Variants in FOXN3 observed in about 807,000 individuals in gnomAD.
FOXN3 encodes the protein forkhead box protein N3.
In FOXN3, 7 loss-of-function variants were observed where a neutral mutation model predicts 38.4. The ratio of observed to expected loss-of-function variants is 0.18; its 90% CI spans 0.10 to 0.34. The LOEUF (loss-of-function observed/expected upper bound fraction) is 0.34, where lower values mean the gene tolerates loss of function less well. Ranked by LOEUF, FOXN3 falls within the 10% of genes least tolerant of loss-of-function variation. FOXN3 has a pLI of 1.00. For missense variants in FOXN3, 456 were observed against 613.4 expected (o/e 0.74, Z 2.71); for synonymous variants, 230 against 242.2 (o/e 0.95, Z 0.47).
At chr14:89,403,647 T>C (rs900687080) in intron 2 of FOXN3, among the ~76,000 whole-genome samples, 9 of 152,230 alleles carry the variant, frequency 5.9e-5, no homozygotes, top group South Asian at 2.1e-4. Flanking sequence ...TGGTTGGATA[T>C]ACAGGCAGTA....
At chr14:89,555,468 T>G (rs1895097574) in intron 1 of FOXN3, among the ~76,000 whole-genome samples, 1 of 152,180 alleles carries the variant, frequency 6.6e-6, no homozygotes. Context: ...ACCAATGTCT[T>G]GAGGCTAGTT....
chr14:89,234,705 C>T (rs1884929705), intron 4 of FOXN3, among the ~76,000 whole-genome samples: 1 of 151,478 alleles, frequency 6.6e-6, no homozygotes, highest in Non-Finnish European at 1.5e-5. Flanking sequence ...CTTCACCTTC[C>T]ACCATGAGTA....
intron 3 of FOXN3, among the ~76,000 whole-genome samples, chr14:89,302,000 G>A (rs571427198): frequency 1.1e-4 from 17 of 152,032 alleles, no homozygotes; most frequent in African/African-American, 3.6e-4. Context: ...TCTGCTGTTC[G>A]CAAACTGTCC....
At chr14:89,233,242 C>A (rs760605917) in intron 4 of FOXN3, among the ~76,000 whole-genome samples, 1 of 152,194 alleles carries the variant, frequency 6.6e-6, no homozygotes, top group Non-Finnish European at 1.5e-5. Flanking sequence ...TTAAAGCAAG[C>A]CTGGAAAGCT....
In FOXN3 at chr14:89,412,028, T is replaced by C; in HGVS notation, c.449A>G (p.Tyr150Cys). 6.2e-7 allele frequency: 1 copy of C among 1,612,944 alleles called. No homozygotes were observed. Among genetic ancestry groups the C allele is most frequent in the Non-Finnish European group, 8.5e-7 (1 of 1,179,426 alleles). ...IYNWILEHFP[Y>C]FANAPTGWKN... ...CCACCCAGTAGGTGCATTTGCAAAA[T>C]ACGGAAAATGTTCCAAGATCCAGTT... is the stretch of plus-strand genomic sequence containing the variant. The change falls in exon 2 of 6, where the codon TAT becomes TGT. Residue 150 changes from tyrosine (Y) to cysteine (C), a missense_variant. By Grantham distance (194) the Tyr-to-Cys change is radical (BLOSUM62 -2). Transcript: ENST00000557258. This position sits in a 1 kb window ranked among gnomAD's most constrained non-coding sequence, Gnocchi z 4.7.
chr14:89,206,086 G>C (rs1450703696), intron 4 of FOXN3, among the ~76,000 whole-genome samples: 1 of 152,240 alleles, frequency 6.6e-6, no homozygotes, highest in Non-Finnish European at 1.5e-5. Flanking sequence ...CTGGCACCTT[G>C]ATTTTGGACT....
At chr14:89,189,439 G>A (rs758246891) in intron 4 of FOXN3, among the ~76,000 whole-genome samples, 16 of 152,270 alleles carry the variant, frequency 1.1e-4, no homozygotes, top group African/African-American at 1.7e-4. Context: ...TTGTAGTGGC[G>A]TCTGCTGCTT....
At chr14:89,257,086 A>C (rs1387799027) in intron 4 of FOXN3, among the ~76,000 whole-genome samples, 1 of 152,140 alleles carries the variant, frequency 6.6e-6, no homozygotes, top group Non-Finnish European at 1.5e-5. Context: ...TTAACCACCT[A>C]TCCTGCAGGT....
chr14:89,424,695 G>A (rs1314000853), intron 1 of FOXN3, among the ~76,000 whole-genome samples: 1 of 150,814 alleles, frequency 6.6e-6, no homozygotes, highest in East Asian at 2.0e-4. Flanking sequence ...TGACAACATA[G>A]GGAGATCTAT....
intron 1 of FOXN3, among the ~76,000 whole-genome samples, chr14:89,433,591 T>A (rs1036348464): frequency 2.0e-5 from 3 of 151,894 alleles, no homozygotes; most frequent in Non-Finnish European, 4.4e-5. Context: ...GATCACGAGG[T>A]CAGGAGTTCG....
rs543797367 is a variant in FOXN3, at chr14:89,517,441, C to A, written c.-15+101587G>T. Among the ~76,000 whole-genome samples, 10 of 151,846 alleles carry A rather than the reference C, an allele frequency of 6.6e-5. No individual in the cohort carries two copies. In the South Asian group the frequency reaches 1.7e-3, roughly 25 times the overall value. On this transcript the variant is annotated intron_variant, in intron 1 of 6. Coordinates refer to the FOXN3 transcript ENST00000345097. Reference sequence around the variant, plus strand: ...AGCACGATGGCTTCTGAGAAGGCCTCAGGAAACTTTCAATCATGGCCGAAG... The same window carrying A: ...AGCACGATGGCTTCTGAGAAGGCCTAAGGAAACTTTCAATCATGGCCGAAG...
chr14:89,535,766 C>T (rs930773371), intron 1 of FOXN3, among the ~76,000 whole-genome samples: 2 of 152,206 alleles, frequency 1.3e-5, no homozygotes, highest in Admixed American at 1.3e-4. Context: ...TCTAATCCAT[C>T]TCATTATATT....
intron 1 of FOXN3, among the ~76,000 whole-genome samples, chr14:89,568,830 A>C (rs1895422691): frequency 6.6e-6 from 1 of 152,204 alleles, no homozygotes; most frequent in Non-Finnish European, 1.5e-5. Flanking sequence ...GAAGCTCCTA[A>C]ATGTATTTAC....
At chr14:89,572,252 T>G (rs1895511225) in intron 1 of FOXN3, among the ~76,000 whole-genome samples, 1 of 152,232 alleles carries the variant, frequency 6.6e-6, no homozygotes. Context: ...AAAGGTTAAA[T>G]TAGGTTTAAT....
At chr14:89,439,921 T>C (rs1393595240) in intron 1 of FOXN3, among the ~76,000 whole-genome samples, 1 of 152,184 alleles carries the variant, frequency 6.6e-6, no homozygotes, top group Non-Finnish European at 1.5e-5. Context: ...CCCAAAGTGC[T>C]GGGATTACAG....
intron 1 of FOXN3, among the ~76,000 whole-genome samples, chr14:89,463,343 C>A (rs1172223909): frequency 6.6e-6 from 1 of 151,974 alleles, no homozygotes. Flanking sequence ...TGACAGCAGA[C>A]CCCTCGTGGT....
chr14:89,611,577 C>A (rs571232836), intron 1 of FOXN3, among the ~76,000 whole-genome samples: 7 of 152,066 alleles, frequency 4.6e-5, no homozygotes, highest in Non-Finnish European at 1.0e-4. Flanking sequence ...GAGGCCAAGG[C>A]GGGCGGATCA....
At chr14:89,271,055 A>C (rs1301141107) in intron 4 of FOXN3, among the ~76,000 whole-genome samples, 1 of 152,116 alleles carries the variant, frequency 6.6e-6, no homozygotes, top group African/African-American at 2.4e-5. Flanking sequence ...GCACACACAC[A>C]CACACACCCA....
At chr14:89,266,300 A>G (rs954898573) in intron 4 of FOXN3, among the ~76,000 whole-genome samples, 1 of 152,138 alleles carries the variant, frequency 6.6e-6, no homozygotes, top group African/African-American at 2.4e-5. Flanking sequence ...CTGTGTCCTC[A>G]CGTGGCCTTT....
Sources: gnomAD v4.1 joint callset for allele counts (sites outside exome capture counted in the v4.1 genomes callset) on GRCh38, gnomAD v4.1.1 for gene constraint, Gnocchi (gnomAD v3.1) non-coding constraint, MANE v1.5 for transcripts, NCBI Gene and HGNC (gene_info 2026-07-23, HGNC 2026-07-21) for gene names.